CABLES1: variants seen among roughly 807,000 people sequenced by gnomAD.
CABLES1 encodes CDK5 and ABL1 enzyme substrate 1.
A neutral mutation model predicts 57.8 loss-of-function variants in CABLES1; 36 were observed. That is an observed-to-expected ratio of 0.62 (90% CI 0.48 to 0.82). CABLES1 has a LOEUF of 0.82. Ranked by LOEUF, CABLES1 falls within the 40% of genes least tolerant of loss-of-function variation. The pLI is 0.00. For synonymous variants in CABLES1, 374 were observed against 363.0 expected, an observed-to-expected ratio of 1.03 and a Z score of -0.35; for missense variants, 767 against 836.6, an observed-to-expected ratio of 0.92 and a Z score of 1.03.
intron 4 of CABLES1, among the ~76,000 whole-genome samples, chr18:23,224,873 T>TC (rs1165382687): frequency 8.0e-5 from 12 of 150,728 alleles, no homozygotes; most frequent in African/African-American, 1.7e-4. Context: ...CCGGCCTTCT[T>TC]TTTCTTTCTT....
intron 7 of CABLES1, among the ~76,000 whole-genome samples, chr18:23,252,758 T>A (rs2289014): frequency 0.012 from 1,869 of 152,290 alleles, 38 homozygotes; most frequent in East Asian, 0.063. Context: ...ATCCTAATAG[T>A]GGTGACTTGT....
At chr18:23,149,370 C>T (rs2046912462) in intron 1 of CABLES1, among the ~76,000 whole-genome samples, 1 of 152,174 alleles carries the variant, frequency 6.6e-6, no homozygotes, top group Admixed American at 6.5e-5. Context: ...CAGCCTCTGC[C>T]TCCAGGGCTT....
chr18:23,197,885 A>C (rs1332013831), intron 3 of CABLES1: 1 of 152,192 alleles, frequency 6.6e-6, no homozygotes, highest in Non-Finnish European at 1.5e-5. Flanking sequence ...TCCAGAAGAG[A>C]TGATAAAGTT....
chr18:23,164,346 T>A (rs2144980131), intron 1 of CABLES1, among the ~76,000 whole-genome samples: 1 of 152,342 alleles, frequency 6.6e-6, no homozygotes, highest in Admixed American at 6.5e-5. Flanking sequence ...GTGCCCATCA[T>A]CACAAGGCCC....
rs964783891 is a variant in CABLES1, at chr18:23,161,582, C to T, written c.845+24975C>T. Among the ~76,000 whole-genome samples the T allele has an allele frequency of 3.3e-5, 5 of 150,246 alleles. No homozygotes were observed. The South Asian group carries it at 6.5e-4, about 19-fold the overall frequency. The stretch of plus-strand genomic sequence containing the variant: ...CCCATGGAGTTTGAGGCCTAACATA[C>T]GTATGTATCTGCATTTATGTATACT... On this transcript the variant is annotated intron_variant, in intron 1 of 9. Transcript: ENST00000256925.
intron 1 of CABLES1, among the ~76,000 whole-genome samples, chr18:23,176,259 T>A (rs2047122271): frequency 6.6e-6 from 1 of 152,126 alleles, no homozygotes; most frequent in Non-Finnish European, 1.5e-5. Flanking sequence ...ATGAAACTGT[T>A]CCACCTGAGA....
rs780597133 is a variant in CABLES1, at chr18:23,223,628, C to T, written c.1088+9574C>T. ...GGCGGGGGGGCATTTTTCCCAAGCT[C>T]GGTTCTGTAGAGAGTGGGATGCTCT... On this transcript the variant is annotated intron_variant, in intron 4 of 9. Transcript: ENST00000256925. Among the ~76,000 whole-genome samples the T allele has an allele frequency of 9.9e-5, 15 of 151,400 alleles. No homozygotes were observed. The East Asian group carries it at 1.9e-3, about 20-fold the overall frequency.
intron 1 of CABLES1, among the ~76,000 whole-genome samples, chr18:23,152,332 C>T (rs1049729549): frequency 6.6e-6 from 1 of 152,202 alleles, no homozygotes; most frequent in South Asian, 2.1e-4. Context: ...TAATCCTTGC[C>T]GTTACTGTCC....
intron 1 of CABLES1, among the ~76,000 whole-genome samples, chr18:23,152,022 C>T (rs995167228): frequency 6.6e-6 from 1 of 152,094 alleles, no homozygotes; most frequent in Non-Finnish European, 1.5e-5. Context: ...GAGGAGACTC[C>T]GGGGTTTCAG....
chr18:23,147,332 A>G (rs187049072), intron 1 of CABLES1, among the ~76,000 whole-genome samples: 102 of 152,348 alleles, frequency 6.7e-4, no homozygotes, highest in African/African-American at 2.3e-3. Context: ...AACACGCTTA[A>G]CCACTCTGAA....
At chr18:23,219,120 A>T in intron 4 of CABLES1, 5 of 452,332 alleles carry the variant, frequency 1.1e-5, no homozygotes, top group South Asian at 7.8e-5. Context: ...TGTACAGCAG[A>T]ATTCACTCAC....
At chr18:23,200,541 C>G (rs752304159) in intron 3 of CABLES1, among the ~76,000 whole-genome samples, 1 of 152,010 alleles carries the variant, frequency 6.6e-6, no homozygotes, top group East Asian at 1.9e-4. Flanking sequence ...GGATTACAGG[C>G]GTGAGCCACC....
Position 23,247,264 on chromosome 18 carries a change from A to G in CABLES1, c.1447-5696A>G, listed in dbSNP as rs184296333. 1.3e-3 allele frequency among the ~76,000 whole-genome samples: 202 copies of G among 152,290 alleles called. No individual in the cohort carries two copies. The East Asian group carries it at 0.031, about 24-fold the overall frequency. ...GCCGGAGAATCATGACCTCCTGTAC[A>G]CCAGAGAGTGTTTCTCAGAAGGACC... On this transcript the variant is annotated intron_variant, in intron 7 of 9. Coordinates refer to ENST00000256925, the MANE Select transcript of CABLES1 (RefSeq NM_001100619.3).
rs2047544118 is a variant in CABLES1 at position 23,228,561 on chromosome 18, A to C, written c.1089-6047A>C. 3.3e-5 allele frequency among the ~76,000 whole-genome samples: 5 copies of C among 152,228 alleles called. No individual in the cohort carries two copies. In the South Asian group the frequency reaches 8.3e-4, roughly 25 times the overall value. ...ATGAAGGATGAGTTTACACTCCCAA[A>C]ATGAACCAGCCTGTTTTTCTGCTCA... On this transcript the variant is annotated intron_variant, in intron 4 of 9. Transcript: ENST00000256925.
chr18:23,256,167 TTTTA>T (rs1173885325), intron 9 of CABLES1, among the ~76,000 whole-genome samples: 2 of 152,252 alleles, frequency 1.3e-5, no homozygotes, highest in African/African-American at 2.4e-5. Context: ...GTAGGATTTA[TTTTA>T]TTAAGACAAA....
At chr18:23,226,401 C>CAAA (rs35135711) in intron 4 of CABLES1, among the ~76,000 whole-genome samples, 3 of 131,074 alleles carry the variant, frequency 2.3e-5, no homozygotes, top group Non-Finnish European at 1.7e-5. Flanking sequence ...GACTTCATCT[C>CAAA]AAAAAAAAAA....
intron 1 of CABLES1, among the ~76,000 whole-genome samples, chr18:23,175,060 G>A (rs955555891): frequency 5.9e-5 from 9 of 151,734 alleles, no homozygotes; most frequent in Non-Finnish European, 8.8e-5. Context: ...GGTTACCACA[G>A]GCACCCACTT....
intron 4 of CABLES1, among the ~76,000 whole-genome samples, chr18:23,224,090 G>A (rs1246031722): frequency 6.6e-6 from 1 of 151,286 alleles, no homozygotes; most frequent in Non-Finnish European, 1.5e-5. Flanking sequence ...AAGCTGGAAG[G>A]AACTTGGAGA....
chr18:23,167,192 A>C (rs1321990219), intron 1 of CABLES1, among the ~76,000 whole-genome samples: 12 of 152,056 alleles, frequency 7.9e-5, no homozygotes, highest in Non-Finnish European at 1.3e-4. Context: ...TGGTTATTTC[A>C]ATTCTGCATC....
Sources: gnomAD v4.1 joint callset for allele counts (sites outside exome capture counted in the v4.1 genomes callset) on GRCh38, gnomAD v4.1.1 for gene constraint, MANE v1.5 for transcripts, NCBI Gene and HGNC (gene_info 2026-07-23, HGNC 2026-07-21) for gene names.